Variants in ZFYVE1 observed in about 807,000 individuals in gnomAD.
ZFYVE1 encodes the protein zinc finger FYVE domain-containing protein 1.
In ZFYVE1, 30 loss-of-function variants were observed where a neutral mutation model predicts 74.4. The ratio of observed to expected loss-of-function variants is 0.40; its 90% CI spans 0.30 to 0.55. The LOEUF is 0.55. ZFYVE1 is among the 20% of genes least tolerant of loss of function. The probability of loss-of-function intolerance (pLI) is 0.42; values close to 1 mark genes in which losing one functional copy is unlikely to be tolerated. For synonymous variants in ZFYVE1, 335 were observed against 385.1 expected (o/e 0.87, Z 1.52); for missense variants, 703 against 1,011.6 (o/e 0.69, Z 4.14).
At chr14:72,986,942 G>C (rs1893498063) in intron 4 of ZFYVE1, 17 of 985,400 alleles carry the variant, frequency 1.7e-5, no homozygotes, top group Non-Finnish European at 2.0e-5. Context: ...AGATCCCAAA[G>C]CTAGAAGAGA....
At chr14:72,994,950 T>C (rs1223227273) in intron 3 of ZFYVE1, among the ~76,000 whole-genome samples, 4 of 152,200 alleles carry the variant, frequency 2.6e-5, no homozygotes, top group Admixed American at 6.6e-5. Flanking sequence ...ATAAGGGTAT[T>C]TGCTTGCCCA....
At chr14:72,991,821 A>G (rs901578011) in intron 4 of ZFYVE1, among the ~76,000 whole-genome samples, 6 of 152,112 alleles carry the variant, frequency 3.9e-5, no homozygotes, top group Admixed American at 2.0e-4. Context: ...ATTAACATTC[A>G]CTGAACATTT....
intron 2 of ZFYVE1, among the ~76,000 whole-genome samples, chr14:73,007,852 TATGTATACCTC>T (rs1481376471): frequency 2.0e-5 from 3 of 152,320 alleles, no homozygotes; most frequent in African/African-American, 7.2e-5. Context: ...TCCTAAAGGG[TATGTATACCTC>T]ATGTCTATCC....
chr14:72,997,684 T>C lies in ZFYVE1; in HGVS notation c.988+127A>G, dbSNP rs187935148. The C allele has an allele frequency of 1.9e-3, 2,444 of 1,276,002 alleles. 71 individuals are homozygous for C. The Admixed American group carries it at 0.055, about 29-fold the overall frequency. The allele number at this position is 1,276,002 out of a possible 1,614,324, so 79.0% of individuals were successfully genotyped here. On this transcript the variant is annotated intron_variant, in intron 3 of 11. Transcript: ENST00000556143. ...ATCACTCCATCCTCCTTGAAACACT[T>C]TCTATGTCTTCTTTGGACAGAAATC...
At chr14:72,999,517 T>C (rs1274625636) in intron 2 of ZFYVE1, among the ~76,000 whole-genome samples, 8 of 151,282 alleles carry the variant, frequency 5.3e-5, no homozygotes, top group Admixed American at 6.6e-5. Flanking sequence ...AGCCCAGGAG[T>C]TGGAGGTTAC....
intron 4 of ZFYVE1, among the ~76,000 whole-genome samples, chr14:72,983,547 C>A (rs1051757148): frequency 1.3e-5 from 2 of 151,990 alleles, no homozygotes; most frequent in African/African-American, 4.8e-5. Context: ...TTTTTTATGG[C>A]TGCATAGTAT....
chr14:73,026,844 T>A (rs1479580839), intron 1 of ZFYVE1, 82 bp downstream of exon 1: 19 of 101,770 alleles, frequency 1.9e-4, no homozygotes, highest in Non-Finnish European at 3.0e-4. Context: ...GAGGGCAGCC[T>A]GAGCCCCAGG....
chr14:72,985,742 T>TTTTTAAATA (rs1242381105), intron 4 of ZFYVE1, among the ~76,000 whole-genome samples: 1 of 151,218 alleles, frequency 6.6e-6, no homozygotes, highest in Non-Finnish European at 1.5e-5. Context: ...GAATAGCAAT[T>TTTTTAAATA]ATTATTTAAA....
At chr14:73,006,002 A>G (rs1893970025) in intron 2 of ZFYVE1, among the ~76,000 whole-genome samples, 1 of 151,932 alleles carries the variant, frequency 6.6e-6, no homozygotes. Context: ...GCTCACTGCA[A>G]GTTCCGCCTC....
chr14:72,978,200 A>G lies in ZFYVE1; in HGVS notation c.1454T>C (p.Val485Ala), dbSNP rs1893225154. The G allele has an allele frequency of 6.2e-7, 1 of 1,614,138 alleles. No homozygotes were observed. Among genetic ancestry groups the G allele is most frequent in the South Asian group, 1.1e-5 (1 of 91,080 alleles). Residue 485 changes from valine to alanine, a missense_variant, in exon 7 of 12, where the codon GTG (valine) becomes GCG (alanine). This residue lies in a region of ZFYVE1 where 492 missense variants were observed against 790.0 expected (regional missense o/e 0.62). Coordinates refer to ENST00000556143, the MANE Select transcript of ZFYVE1 (RefSeq NM_021260.4). ...GTCAGTGGAAGCAGATGTTTTGGGC[A>G]CTACACTGACTTCCTCGCCTCTCTC... is the stretch of plus-strand genomic sequence containing the variant. ...CYERGEEVSV[V>A]PKTSASTDSP...
chr14:73,012,879 T>C (rs1894117983), intron 2 of ZFYVE1, among the ~76,000 whole-genome samples: 1 of 152,136 alleles, frequency 6.6e-6, no homozygotes, highest in African/African-American at 2.4e-5. Flanking sequence ...TTATGAGAGA[T>C]GACAGTTTAG....
intron 3 of ZFYVE1, 103 bp from the exon 4 acceptor site, chr14:72,993,460 T>C (rs1392944459): frequency 2.8e-6 from 3 of 1,081,006 alleles, no homozygotes; most frequent in Non-Finnish European, 3.8e-6. Flanking sequence ...CCTAGCACTT[T>C]GGGAGGCCAA....
intron 2 of ZFYVE1, among the ~76,000 whole-genome samples, chr14:73,011,071 T>C (rs958643581): frequency 4.6e-5 from 7 of 151,786 alleles, no homozygotes; most frequent in Non-Finnish European, 1.0e-4. Context: ...TACTATAAGA[T>C]TCACTTGAAT....
chr14:73,024,061 T>A lies in ZFYVE1; in HGVS notation c.448A>T (p.Ser150Cys), dbSNP rs1175896676. ...KRKKMTEKVV[S>C]FLLVDENEEI... Reference sequence around the variant, plus strand: ...TCATTTTCGTCTACTAGGAGGAAACTCACAACCTTCTCAGTCATCTTCTTC... The same window carrying A: ...TCATTTTCGTCTACTAGGAGGAAACACACAACCTTCTCAGTCATCTTCTTC... Residue 150 changes from serine to cysteine, a missense_variant, in exon 2 of 12, where the codon AGT (serine) becomes TGT (cysteine). Transcript: ENST00000556143. 6.2e-7 allele frequency: 1 copy of A among 1,614,176 alleles called. No homozygotes were observed. Among genetic ancestry groups the A allele is most frequent in the Admixed American group, 1.7e-5 (1 of 60,006 alleles).
intron 11 of ZFYVE1, among the ~76,000 whole-genome samples, chr14:72,972,977 T>G (rs1893073888): frequency 6.6e-6 from 1 of 151,944 alleles, no homozygotes; most frequent in Non-Finnish European, 1.5e-5. Context: ...AGTGCTGGTA[T>G]TATAGGCGTG....
At chr14:73,012,991 C>T (rs187740166) in intron 2 of ZFYVE1, among the ~76,000 whole-genome samples, 127 of 152,214 alleles carry the variant, frequency 8.3e-4, no homozygotes, top group Non-Finnish European at 1.7e-3. Context: ...ATCATGCTGC[C>T]CCTTCACTTG....
At position 72,969,672 on chromosome 14, in the gene ZFYVE1, T is replaced by C. The variant is rs1224488856; in HGVS notation, c.*1210A>G. The C allele has an allele frequency of 1.4e-6, 1 of 700,036 alleles. No individual in the cohort carries two copies. Among genetic ancestry groups the C allele is most frequent in the African/African-American group, 1.8e-5 (1 of 56,996 alleles). 43.4% of individuals were successfully genotyped at this position (700,036 alleles called of 1,614,324 possible). ...TAAGAATTATACTTTAATTCGTGTT[T>C]GGCCACTGAAGATCAAATCCACCAT... On this transcript the variant is annotated 3_prime_UTR_variant, in exon 12 of 12. Transcript: ENST00000556143.
At chr14:72,973,976 C>A in intron 11 of ZFYVE1, 104 bp downstream of exon 11, 1 of 879,946 alleles carries the variant, frequency 1.1e-6, no homozygotes, top group East Asian at 2.6e-5. Flanking sequence ...CTTTACCACC[C>A]ATCTCAATCT....
intron 2 of ZFYVE1, among the ~76,000 whole-genome samples, chr14:73,005,079 CT>C (rs531506151): frequency 1.2e-4 from 18 of 152,012 alleles, no homozygotes; most frequent in Non-Finnish European, 2.2e-4. Flanking sequence ...TGCTGGCACA[CT>C]GAAACCACAC....
Sources: gnomAD v4.1 joint callset for allele counts (sites outside exome capture counted in the v4.1 genomes callset) on GRCh38, gnomAD v4.1.1 for gene constraint, gnomAD v4.1.1 regional missense constraint, MANE v1.5 for transcripts, NCBI Gene and HGNC (gene_info 2026-07-23, HGNC 2026-07-21) for gene names.